Variants in DISC1 observed in about 807,000 individuals in gnomAD.
The protein encoded by DISC1 is disrupted in schizophrenia 1 protein.
A neutral mutation model predicts 84.5 loss-of-function variants in DISC1; 57 were observed. The ratio of observed to expected loss-of-function variants is 0.67; its 90% confidence interval spans 0.55 to 0.84. DISC1 has a LOEUF of 0.84. Ranked by LOEUF, DISC1 falls within the 40% of genes least tolerant of loss-of-function variation. The probability of loss-of-function intolerance (pLI) is 0.00; values close to 1 mark genes in which losing one functional copy is unlikely to be tolerated. For missense variants in DISC1, 1,000 were observed against 1,057.8 expected (o/e 0.95, Z 0.76); for synonymous variants, 411 against 415.2 (o/e 0.99, Z 0.12).
chr1:231,636,046 G>A (rs2059171206), intron 1 of DISC1, among the ~76,000 whole-genome samples: 2 of 152,160 alleles, frequency 1.3e-5, no homozygotes, highest in African/African-American at 4.8e-5. Flanking sequence ...TGGATAGATG[G>A]AGGAAGAAAG....
chr1:231,872,053 A>G (rs148278040), intron 9 of DISC1, among the ~76,000 whole-genome samples: 135 of 152,324 alleles, frequency 8.9e-4, no homozygotes, highest in South Asian at 4.4e-3. Context: ...GCACTGGGAC[A>G]GTTCTGTGGG....
chr1:231,977,710 G>A (rs974271417), intron 10 of DISC1, among the ~76,000 whole-genome samples: 4 of 152,090 alleles, frequency 2.6e-5, no homozygotes, highest in African/African-American at 4.8e-5. Flanking sequence ...CCGCACCCTA[G>A]CACCAACAGG....
chr1:231,919,456 C>T (rs1256332506), intron 9 of DISC1, among the ~76,000 whole-genome samples: 2 of 152,154 alleles, frequency 1.3e-5, no homozygotes, highest in Non-Finnish European at 1.5e-5. Context: ...TGAGTTTCTC[C>T]CAGGCACGCT....
chr1:231,977,101 C>T (rs1662919733), intron 10 of DISC1, among the ~76,000 whole-genome samples: 1 of 152,110 alleles, frequency 6.6e-6, no homozygotes, highest in Admixed American at 6.5e-5. Context: ...CAAACATATA[C>T]AAAACTAGAG....
chr1:231,817,310 C>T (rs890262084), intron 8 of DISC1, among the ~76,000 whole-genome samples: 6 of 152,294 alleles, frequency 3.9e-5, no homozygotes, highest in African/African-American at 1.2e-4. Context: ...GTCTTGAACA[C>T]CTGACCTCAA....
chr1:232,036,030 C>G (rs970315846), intron 12 of DISC1, among the ~76,000 whole-genome samples: 1 of 152,170 alleles, frequency 6.6e-6, no homozygotes, highest in African/African-American at 2.4e-5. Flanking sequence ...AAAGCAAGCT[C>G]TCTTTGCCCT....
At chr1:231,814,847 A>T (rs984511575) in intron 8 of DISC1, 1 of 152,022 alleles carries the variant, frequency 6.6e-6, no homozygotes, top group African/African-American at 2.4e-5. Flanking sequence ...GGCCAGGGAA[A>T]ATAATCCAGT....
rs1277481946 is a variant in DISC1 at position 231,954,927 on chromosome 1, T to C, written c.1982-3901T>C. Among the ~76,000 whole-genome samples, 1 of 152,194 alleles carries C rather than the reference T, an allele frequency of 6.6e-6. No homozygotes were observed. Among genetic ancestry groups the C allele is most frequent in the African/African-American group, 2.4e-5 (1 of 41,442 alleles). ...AGTTCAACATAGCATTCTCCTTAGA[T>C]GGCAGCCTCCAGGCAAGAAGAAAAG... On this transcript the variant is annotated intron_variant, in intron 9 of 12. Coordinates refer to ENST00000439617, the MANE Select transcript of DISC1 (RefSeq NM_018662.3). This position sits in a 1 kb window ranked among gnomAD's most constrained non-coding sequence, Gnocchi z 4.8.
intron 9 of DISC1, among the ~76,000 whole-genome samples, chr1:231,910,709 A>T (rs935174093): frequency 1.3e-5 from 2 of 152,116 alleles, no homozygotes; most frequent in African/African-American, 4.8e-5. Context: ...TGTGGAGCTG[A>T]GTTTAAGTCC....
chr1:231,703,650 A>G (rs1381901394), intron 3 of DISC1, among the ~76,000 whole-genome samples: 1 of 152,222 alleles, frequency 6.6e-6, no homozygotes, highest in Non-Finnish European at 1.5e-5. Flanking sequence ...CAATGGCTTC[A>G]TTAAATGGAG....
chr1:231,915,052 A>G (rs935776572), intron 9 of DISC1, among the ~76,000 whole-genome samples: 12 of 152,180 alleles, frequency 7.9e-5, no homozygotes. Context: ...TAAAGAGGAA[A>G]TGTGTTACGC....
At position 231,999,710 on chromosome 1, in the gene DISC1, A is replaced by G. The variant is rs76552874; in HGVS notation, c.2043-9075A>G. Among the ~76,000 whole-genome samples, 623 of 152,254 alleles carry G rather than the reference A, an allele frequency of 4.1e-3. 23 individuals carry two copies. The South Asian group carries it at 0.088, about 22-fold the overall frequency. ...TTTACACCCGCACCAAGAGACATTC[A>G]GTTACCTGACCTGGGGGGAGGCCCC... is the stretch of plus-strand genomic sequence containing the variant. On this transcript the variant is annotated intron_variant, in intron 10 of 12. Transcript: ENST00000439617.
chr1:231,925,985 G>A (rs376832144), intron 9 of DISC1: 3 of 152,190 alleles, frequency 2.0e-5, no homozygotes, highest in South Asian at 4.1e-4. Flanking sequence ...CCCAGTTTTC[G>A]ATACTTTGTC....
intron 10 of DISC1, among the ~76,000 whole-genome samples, chr1:231,985,119 G>A (rs918160744): frequency 2.0e-5 from 3 of 151,920 alleles, no homozygotes; most frequent in African/African-American, 4.8e-5. Context: ...TCAGAAGTTC[G>A]AGACCAGCCT....
chr1:231,692,344 A>G (rs2065144055), intron 1 of DISC1, among the ~76,000 whole-genome samples: 1 of 152,164 alleles, frequency 6.6e-6, no homozygotes, highest in African/African-American at 2.4e-5. Flanking sequence ...AGCTCCCCGC[A>G]ATTGGCAAGA....
intron 1 of DISC1, among the ~76,000 whole-genome samples, chr1:231,636,286 T>C (rs746515755): frequency 2.0e-5 from 3 of 152,186 alleles, no homozygotes; most frequent in Admixed American, 2.0e-4. Flanking sequence ...GGGTGGCAGC[T>C]CCGTAGGGTG....
At chr1:231,964,801 T>G (rs1249058399) in intron 10 of DISC1, among the ~76,000 whole-genome samples, 1 of 152,268 alleles carries the variant, frequency 6.6e-6, no homozygotes, top group Non-Finnish European at 1.5e-5. Context: ...ACTGCTTGAT[T>G]AACATCTCAA....
At chr1:231,734,270 C>T (rs1176132982) in intron 3 of DISC1, among the ~76,000 whole-genome samples, 1 of 152,076 alleles carries the variant, frequency 6.6e-6, no homozygotes, top group East Asian at 1.9e-4. Flanking sequence ...TTCAGTTGGT[C>T]ATTTACTTCC....
chr1:231,874,833 C>A (rs2085744923), intron 9 of DISC1, among the ~76,000 whole-genome samples: 1 of 151,120 alleles, frequency 6.6e-6, no homozygotes, highest in South Asian at 2.1e-4. Flanking sequence ...ATGGCGTGAA[C>A]TGGAGAGGCG....
Sources: allele counts gnomAD v4.1 joint callset (sites outside exome capture counted in the v4.1 genomes callset), GRCh38; gene constraint gnomAD v4.1.1; non-coding constraint Gnocchi (gnomAD v3.1); transcripts MANE v1.5; gene names NCBI Gene and HGNC (gene_info 2026-07-23, HGNC 2026-07-21).